NLRP11: variants seen among roughly 807,000 people sequenced by gnomAD.
NLRP11 encodes NLR family pyrin domain containing 11, also known as NACHT, LRR and PYD domains-containing protein 11.
Under a neutral mutation model 79.3 loss-of-function variants are expected in NLRP11, and 53 were observed. That is an observed-to-expected ratio of 0.67 (90% CI 0.54 to 0.84). The LOEUF is 0.84. NLRP11 is among the 40% of genes least tolerant of loss of function. NLRP11 has a pLI of 0.00. For missense variants in NLRP11, 1,264 were observed against 1,255.0 expected (o/e 1.01, Z -0.11); for synonymous variants, 518 against 462.6 (o/e 1.12, Z -1.54).
intron 1 of NLRP11, among the ~76,000 whole-genome samples, chr19:55,821,945 G>A (rs1043925643): frequency 5.9e-5 from 9 of 152,144 alleles, no homozygotes; most frequent in African/African-American, 7.2e-5. Flanking sequence ...AGTTCTTTTC[G>A]TGCTCATATG....
chr19:55,785,677 C>A, exon 10 of NLRP11: 1 of 1,614,044 alleles, frequency 6.2e-7, no homozygotes, highest in East Asian at 2.2e-5. Context: ...TGCAGACATT[C>A]TGGGAAATTT....
upstream of NLRP11, among the ~76,000 whole-genome samples, chr19:55,834,916 A>G (rs1391115497): frequency 2.0e-5 from 3 of 152,190 alleles, no homozygotes; most frequent in African/African-American, 7.2e-5. Context: ...GGGAACATGT[A>G]TCACCAGGAA....
At chr19:55,791,878 A>G (rs533835954) in intron 7 of NLRP11, among the ~76,000 whole-genome samples, 36 of 152,124 alleles carry the variant, frequency 2.4e-4, no homozygotes, top group South Asian at 8.3e-4. Context: ...ACCTCCCCCA[A>G]TGCATCCCTT....
Position 55,809,803 on chromosome 19 carries a change from T to G in NLRP11, c.807A>C (p.Pro269=). ...TTGAGGAGATGAGGAACCAGCAGCC[T>G]GGAGCCATTTTTCTCTTCAGCAAAC... The change falls in exon 3 of 10, where the codon CCA becomes CCC. Residue 269 remains proline, a synonymous_variant. Coordinates refer to ENST00000589093, the Ensembl canonical transcript of NLRP11. This position sits in a 1 kb window ranked among gnomAD's most constrained non-coding sequence, Gnocchi z 4.5. 6.2e-7 allele frequency: 1 copy of G among 1,614,176 alleles called. No individual in the cohort carries two copies. Among genetic ancestry groups the G allele is most frequent in the East Asian group, 2.2e-5 (1 of 44,882 alleles).
At chr19:55,810,238 A>G in exon 3 of NLRP11, 2 of 1,614,080 alleles carry the variant, frequency 1.2e-6, no homozygotes, top group Non-Finnish European at 1.7e-6. Flanking sequence ...CATCTGACGA[A>G]ACGTCACGAA....
intron 1 of NLRP11, 92 bp from the exon 2 acceptor site, chr19:55,818,328 G>A (rs538163728): frequency 3.9e-5 from 25 of 639,550 alleles, no homozygotes; most frequent in African/African-American, 3.5e-4. Flanking sequence ...TGGTGTGATA[G>A]AAGCTCCTTT....
At chr19:55,821,649 T>C (rs889988664) in intron 1 of NLRP11, among the ~76,000 whole-genome samples, 15 of 150,954 alleles carry the variant, frequency 9.9e-5, no homozygotes, top group Non-Finnish European at 4.4e-5. Context: ...CCCATTAACA[T>C]TGTTAGTGAT....
chr19:55,809,698 C>T lies in NLRP11; in HGVS notation c.912G>A (p.Lys304=), dbSNP rs995485121. The T allele has an allele frequency of 1.9e-6, 3 of 1,614,160 alleles. No individual in the cohort carries two copies. The East Asian group carries it at 6.7e-5, about 36-fold the overall frequency. Residue 304 remains lysine (K), a synonymous_variant, in exon 3 of 10, where the codon AAG becomes AAA. Coordinates refer to ENST00000589093, the Ensembl canonical transcript of NLRP11. This position sits in a 1 kb window ranked among gnomAD's most constrained non-coding sequence, Gnocchi z 4.5. The stretch of plus-strand genomic sequence containing the variant: ...AGAAAGAGTTAAAATATATCTCCCT[C>T]TTCCCATTCGACAGCTGCAAGGTCG...
chr19:55,807,983 T>A (rs775601109), exon 4 of NLRP11: 2 of 1,612,114 alleles, frequency 1.2e-6, no homozygotes, highest in African/African-American at 2.7e-5. Context: ...AGAGAGCAGA[T>A]CTCTCTCCAG....
intron 1 of NLRP11, among the ~76,000 whole-genome samples, chr19:55,829,033 A>G (rs77041331): frequency 0.087 from 13,269 of 152,242 alleles, 855 homozygotes; most frequent in East Asian, 0.23. Context: ...ATACAAAATT[A>G]GCACCTTGTA....
chr19:55,816,240 T>C (rs1408755021), intron 2 of NLRP11, among the ~76,000 whole-genome samples: 1 of 152,234 alleles, frequency 6.6e-6, no homozygotes, highest in Non-Finnish European at 1.5e-5. Context: ...GCTATGCTTA[T>C]ATCAGACAAA....
At chr19:55,833,289 T>C (rs527645164), upstream of NLRP11, among the ~76,000 whole-genome samples, 5 of 152,186 alleles carry the variant, frequency 3.3e-5, no homozygotes, top group African/African-American at 1.2e-4. Context: ...TTATATTCAG[T>C]AAAACAATAA....
At chr19:55,788,930 G>A in exon 9 of NLRP11, 1 of 1,613,910 alleles carries the variant, frequency 6.2e-7, no homozygotes, top group Non-Finnish European at 8.5e-7. Context: ...GGTAAGAACA[G>A]AGGCAAGAGA....
intron 2 of NLRP11, among the ~76,000 whole-genome samples, chr19:55,817,572 G>A (rs1981258006): frequency 1.3e-5 from 2 of 152,240 alleles, no homozygotes; most frequent in Non-Finnish European, 2.9e-5. Context: ...AGTAACTCGG[G>A]AGTGGAAAAC....
intron 5 of NLRP11, among the ~76,000 whole-genome samples, chr19:55,797,774 A>G (rs1979069396): frequency 6.6e-6 from 1 of 152,196 alleles, no homozygotes; most frequent in Non-Finnish European, 1.5e-5. Flanking sequence ...AATAAGGTAG[A>G]AGAATTTTAA....
chr19:55,810,253 T>A, exon 3 of NLRP11: 1 of 1,613,962 alleles, frequency 6.2e-7, no homozygotes, highest in African/African-American at 1.3e-5. Context: ...CACGAAAAAA[T>A]TTATAATGAA....
chr19:55,798,689 T>G (rs1301370832), intron 5 of NLRP11, among the ~76,000 whole-genome samples: 1 of 152,096 alleles, frequency 6.6e-6, no homozygotes, highest in Non-Finnish European at 1.5e-5. Flanking sequence ...AGTCTACCCT[T>G]GTAGTAAAAC....
At chr19:55,804,537 G>T (rs2122788151) in intron 4 of NLRP11, among the ~76,000 whole-genome samples, 1 of 151,996 alleles carries the variant, frequency 6.6e-6, no homozygotes, top group Non-Finnish European at 1.5e-5. Context: ...GTTCTCGCTT[G>T]TAAGAGGGAG....
chr19:55,788,598 G>A (rs1372652909), intron 9 of NLRP11, among the ~76,000 whole-genome samples: 1 of 151,764 alleles, frequency 6.6e-6, no homozygotes, highest in Non-Finnish European at 1.5e-5. Context: ...AAATTAGCCA[G>A]GTGTGGTGGT....
Sources: gnomAD v4.1 joint callset for allele counts (sites outside exome capture counted in the v4.1 genomes callset) on GRCh38, gnomAD v4.1.1 for gene constraint, Gnocchi (gnomAD v3.1) non-coding constraint, MANE v1.5 for transcripts, NCBI Gene and HGNC (gene_info 2026-07-23, HGNC 2026-07-21) for gene names.